Variants in DNAH6 observed in about 807,000 individuals in gnomAD.
The protein encoded by DNAH6 is dynein axonemal heavy chain 6.
Under a neutral mutation model 491.4 loss-of-function variants are expected in DNAH6, and 340 were observed. The ratio of observed to expected loss-of-function variants is 0.69; its 90% CI spans 0.63 to 0.76. DNAH6 has a LOEUF of 0.76. Ranked by LOEUF, DNAH6 falls within the 30% of genes least tolerant of loss-of-function variation. The probability of loss-of-function intolerance (pLI) is 0.00; values close to 1 mark genes in which losing one functional copy is unlikely to be tolerated. For missense variants in DNAH6, 4,443 were observed against 4,972.2 expected, an observed-to-expected ratio of 0.89 and a Z score of 3.20; for synonymous variants, 1,603 against 1,686.1, an observed-to-expected ratio of 0.95 and a Z score of 1.21.
At chr2:84,817,763 T>C (rs1473449238) in intron 76 of DNAH6, among the ~76,000 whole-genome samples, 2 of 152,152 alleles carry the variant, frequency 1.3e-5, no homozygotes, top group African/African-American at 4.8e-5. Flanking sequence ...CTTCCACTCA[T>C]AGCAGAAGAC....
chr2:84,619,062 G>T (rs1355287847), intron 23 of DNAH6, among the ~76,000 whole-genome samples: 3 of 152,152 alleles, frequency 2.0e-5, no homozygotes, highest in Non-Finnish European at 4.4e-5. Context: ...TACCTATCTT[G>T]CTGGTAATAA....
upstream of DNAH6, among the ~76,000 whole-genome samples, chr2:84,511,925 A>G (rs1188887544): frequency 6.6e-6 from 1 of 152,048 alleles, no homozygotes; most frequent in African/African-American, 2.4e-5. Context: ...GTTTGCTAGT[A>G]TTTCTGATTT....
chr2:84,515,641 T>G (rs560222637), upstream of DNAH6, among the ~76,000 whole-genome samples: 1 of 152,356 alleles, frequency 6.6e-6, no homozygotes, highest in South Asian at 2.1e-4. Context: ...TATGTCATTT[T>G]GGAGACAAGG....
chr2:84,653,782 A>C lies in DNAH6; in HGVS notation c.5542A>C (p.Asn1848His). The change falls in exon 34 of 77, where the codon AAC becomes CAC. Residue 1848 changes from asparagine to histidine, a missense_variant. Physicochemically the swap from Asn to His is moderately conservative, Grantham distance 68. Coordinates refer to ENST00000389394, the MANE Select transcript of DNAH6 (RefSeq NM_001370.2). Reference sequence around the variant, plus strand: ...GCCAGTAGATGCTCTTTGGATTGAAAACATGAATACAGTGCTGGATGATAA... The same window carrying C: ...GCCAGTAGATGCTCTTTGGATTGAACACATGAATACAGTGCTGGATGATAA... Reference protein sequence around the residue: ...DGPVDALWIENMNTVLDDNKM... With the variant: ...DGPVDALWIEHMNTVLDDNKM... 2 of 1,551,540 alleles carry C rather than the reference A, an allele frequency of 1.3e-6. No homozygotes were observed. Among genetic ancestry groups the C allele is most frequent in the Non-Finnish European group, 8.7e-7 (1 of 1,146,748 alleles).
At chr2:84,808,678 C>G (rs1573874235) in intron 72 of DNAH6, 136 bp downstream of exon 72, 1 of 824,266 alleles carries the variant, frequency 1.2e-6, no homozygotes, top group East Asian at 2.8e-5. Flanking sequence ...CCCAATGAGT[C>G]TAAAAATGAA....
At chr2:84,774,904 T>C (rs1048065756) in intron 64 of DNAH6, among the ~76,000 whole-genome samples, 10 of 152,160 alleles carry the variant, frequency 6.6e-5, no homozygotes, top group African/African-American at 2.4e-4. Flanking sequence ...TGAAACTTAC[T>C]GAAGACATTT....
chr2:84,520,460 G>T (rs2104409652), intron 2 of DNAH6, among the ~76,000 whole-genome samples: 1 of 152,180 alleles, frequency 6.6e-6, no homozygotes, highest in African/African-American at 2.4e-5. Context: ...TATATGTACA[G>T]ATTTGTTACA....
chr2:84,592,877 T>C (rs1179242148), intron 16 of DNAH6, among the ~76,000 whole-genome samples: 3 of 152,062 alleles, frequency 2.0e-5, no homozygotes, highest in African/African-American at 7.2e-5. Context: ...ATATCTAAAG[T>C]AGTCAAACTC....
chr2:84,530,506 G>C lies in DNAH6; in HGVS notation c.662+1340G>C, dbSNP rs535495861. The stretch of plus-strand genomic sequence containing the variant: ...ACAGTAGAGTGAACAAGAGATAAAG[G>C]ATATATCGTGCAAGACCTTGTTGGC... On this transcript the variant is annotated intron_variant, in intron 4 of 76. Coordinates refer to ENST00000389394, the MANE Select transcript of DNAH6 (RefSeq NM_001370.2). Among the ~76,000 whole-genome samples, 8 of 152,244 alleles carry C rather than the reference G, an allele frequency of 5.3e-5. No individual in the cohort carries two copies. In the South Asian group the frequency reaches 1.7e-3, roughly 32 times the overall value.
intron 2 of DNAH6, among the ~76,000 whole-genome samples, chr2:84,520,638 A>G (rs1676047434): frequency 6.6e-6 from 1 of 151,904 alleles, no homozygotes; most frequent in Admixed American, 6.6e-5. Flanking sequence ...ATGTGTTGTC[A>G]TCATTTGGTT....
At chr2:84,780,006 G>T (rs1033374046) in intron 64 of DNAH6, among the ~76,000 whole-genome samples, 6 of 152,182 alleles carry the variant, frequency 3.9e-5, no homozygotes, top group Non-Finnish European at 8.8e-5. Flanking sequence ...GAAGTCTGCT[G>T]TTAGCCTGAT....
At chr2:84,468,164 T>C in the DNAH6 span, among the ~76,000 whole-genome samples, 1 of 152,350 alleles carries the variant, frequency 6.6e-6, no homozygotes, top group Middle Eastern at 3.4e-3. Context: ...TTAGTTTTTA[T>C]TTAACTTTCA....
At chr2:84,674,397 A>G (rs1455499242) in intron 40 of DNAH6, among the ~76,000 whole-genome samples, 1 of 152,210 alleles carries the variant, frequency 6.6e-6, no homozygotes, top group Non-Finnish European at 1.5e-5. Context: ...CTGTCTATCA[A>G]AATGAGAGCT....
chr2:84,628,259 G>C (rs1423000594), intron 29 of DNAH6, among the ~76,000 whole-genome samples: 1 of 152,162 alleles, frequency 6.6e-6, no homozygotes, highest in Non-Finnish European at 1.5e-5. Flanking sequence ...TGCAACATAA[G>C]ATTTCTAAGC....
At chr2:84,476,323 A>G in the DNAH6 span, among the ~76,000 whole-genome samples, 1 of 152,160 alleles carries the variant, frequency 6.6e-6, no homozygotes, top group Non-Finnish European at 1.5e-5. Flanking sequence ...AGCCTTTTGA[A>G]TAGAATTTTG....
chr2:84,512,879 A>G (rs1179117277), upstream of DNAH6, among the ~76,000 whole-genome samples: 1 of 152,156 alleles, frequency 6.6e-6, no homozygotes, highest in Admixed American at 6.5e-5. Context: ...TTTTGAATCT[A>G]AAGTATGTCT....
At chr2:84,695,741 G>A (rs1382793725) in intron 46 of DNAH6, among the ~76,000 whole-genome samples, 1 of 151,970 alleles carries the variant, frequency 6.6e-6, no homozygotes, top group Non-Finnish European at 1.5e-5. Flanking sequence ...GATTTTTATT[G>A]TCTAGTTGCT....
intron 4 of DNAH6, among the ~76,000 whole-genome samples, chr2:84,540,372 T>C (rs539422411): frequency 1.3e-5 from 2 of 152,304 alleles, no homozygotes; most frequent in South Asian, 2.1e-4. Context: ...TTCAAGGTTC[T>C]TGAGCACAAC....
At chr2:84,639,887 C>G (rs150741150) in intron 31 of DNAH6, among the ~76,000 whole-genome samples, 4 of 152,136 alleles carry the variant, frequency 2.6e-5, no homozygotes, top group African/African-American at 7.2e-5. Context: ...AAAAAGGGTC[C>G]GCTTCCAGCT....
Sources: gnomAD v4.1 joint callset for allele counts (sites outside exome capture counted in the v4.1 genomes callset) on GRCh38, gnomAD v4.1.1 for gene constraint, MANE v1.5 for transcripts, NCBI Gene and HGNC (gene_info 2026-07-23, HGNC 2026-07-21) for gene names.